KCMF1: variants seen among roughly 807,000 people sequenced by gnomAD.
The protein encoded by KCMF1 is potassium channel modulatory factor 1.
KCMF1 carries 3 observed loss-of-function variants against 41.1 expected under a neutral mutation model. The observed-to-expected ratio is 0.07, with a 90% CI of 0.03 to 0.19. The LOEUF (loss-of-function observed/expected upper bound fraction) is 0.19. Ranked by LOEUF, KCMF1 falls within the 10% of genes least tolerant of loss-of-function variation. The probability of loss-of-function intolerance (pLI) is 1.00; values close to 1 mark genes in which losing one functional copy is unlikely to be tolerated. For synonymous variants in KCMF1, 142 were observed against 164.5 expected (o/e 0.86, Z 1.04); for missense variants, 286 against 488.9 (o/e 0.58, Z 3.91).
intron 6 of KCMF1, among the ~76,000 whole-genome samples, chr2:85,050,317 T>C (rs1053493872): frequency 6.6e-6 from 1 of 152,208 alleles, no homozygotes; most frequent in Non-Finnish European, 1.5e-5. Context: ...TTTAATCTGC[T>C]TTGAAATATT....
intron 1 of KCMF1, among the ~76,000 whole-genome samples, chr2:84,978,068 A>G (rs1673596250): frequency 6.6e-6 from 1 of 150,972 alleles, no homozygotes; most frequent in African/African-American, 2.4e-5. Context: ...GGCGATCTCA[A>G]CTCACCGCAA....
intron 1 of KCMF1, among the ~76,000 whole-genome samples, chr2:84,971,722 G>A (rs1673399088): frequency 6.6e-6 from 1 of 151,178 alleles, no homozygotes; most frequent in Non-Finnish European, 1.5e-5. Context: ...CACTGTCATG[G>A]GGCGGAGGGG....
chr2:85,004,562 G>C (rs1052226679), intron 1 of KCMF1, among the ~76,000 whole-genome samples: 8 of 151,992 alleles, frequency 5.3e-5, no homozygotes, highest in African/African-American at 1.7e-4. Context: ...TGGGTTGGGA[G>C]GACTGCAGTA....
At chr2:85,001,209 G>A (rs1574016292) in intron 1 of KCMF1, among the ~76,000 whole-genome samples, 1 of 151,764 alleles carries the variant, frequency 6.6e-6, no homozygotes, top group Non-Finnish European at 1.5e-5. Context: ...CCAGGCTGGA[G>A]TGCAGTGGCG....
At chr2:84,975,003 G>T (rs373056717) in intron 1 of KCMF1, among the ~76,000 whole-genome samples, 2 of 151,932 alleles carry the variant, frequency 1.3e-5, no homozygotes, top group East Asian at 3.9e-4. Flanking sequence ...CACCGCACCT[G>T]GCCGAATTTC....
chr2:85,001,990 C>T (rs1465933843), intron 1 of KCMF1, among the ~76,000 whole-genome samples: 2 of 152,086 alleles, frequency 1.3e-5, no homozygotes, highest in African/African-American at 4.8e-5. Context: ...CATACCTAAA[C>T]ATAAAAAAGG....
intron 1 of KCMF1, among the ~76,000 whole-genome samples, chr2:85,008,363 T>A (rs7599873): frequency 0.31 from 3,770 of 12,342 alleles, 273 homozygotes; most frequent in Middle Eastern, 0.43. Context: ...TAATATATAT[T>A]ATATATCATA....
At chr2:85,033,134 G>A (rs1245728352) in intron 2 of KCMF1, among the ~76,000 whole-genome samples, 2 of 152,146 alleles carry the variant, frequency 1.3e-5, no homozygotes, top group Non-Finnish European at 2.9e-5. Flanking sequence ...CAAGTCTTGT[G>A]CACCTAATAA....
chr2:85,015,524 A>G (rs1357469826), intron 1 of KCMF1, among the ~76,000 whole-genome samples: 3 of 152,220 alleles, frequency 2.0e-5, no homozygotes, highest in African/African-American at 4.8e-5. Context: ...ATGCATTTCT[A>G]TGAACAAATA....
intron 4 of KCMF1, among the ~76,000 whole-genome samples, chr2:85,045,186 G>C (rs116675243): frequency 0.01 from 1,578 of 152,178 alleles, 20 homozygotes; most frequent in African/African-American, 0.036. Flanking sequence ...GCTGCAGTAA[G>C]CTATGATTGC....
chr2:85,042,620 C>A (rs963012035), intron 3 of KCMF1, among the ~76,000 whole-genome samples: 3 of 152,154 alleles, frequency 2.0e-5, no homozygotes, highest in African/African-American at 7.2e-5. Flanking sequence ...TGGTCATGCC[C>A]CTTGCTTCAG....
intron 1 of KCMF1, among the ~76,000 whole-genome samples, chr2:85,024,256 G>A (rs1675027544): frequency 6.6e-6 from 1 of 152,170 alleles, no homozygotes; most frequent in African/African-American, 2.4e-5. Context: ...CAGGCGGGCA[G>A]ATCACCCGGA....
intron 1 of KCMF1, among the ~76,000 whole-genome samples, chr2:84,997,764 C>A (rs576794113): frequency 3.7e-5 from 3 of 80,248 alleles, no homozygotes; most frequent in South Asian, 4.6e-4. Flanking sequence ...AATACATTTT[C>A]TTTTTTTTTT....
intron 1 of KCMF1, among the ~76,000 whole-genome samples, chr2:85,009,257 A>G (rs902220569): frequency 3.9e-5 from 6 of 152,118 alleles, no homozygotes; most frequent in African/African-American, 1.4e-4. Context: ...ATTGTGAAGT[A>G]GGTGTCTGCT....
At chr2:85,017,188 CT>C (rs1224164061) in intron 1 of KCMF1, among the ~76,000 whole-genome samples, 1 of 151,910 alleles carries the variant, frequency 6.6e-6, no homozygotes, top group Non-Finnish European at 1.5e-5. Context: ...CTGCGCCCGG[CT>C]AATTTTTTTT....
At chr2:85,041,255 T>G (rs978412061) in intron 3 of KCMF1, among the ~76,000 whole-genome samples, 1 of 152,206 alleles carries the variant, frequency 6.6e-6, no homozygotes, top group Non-Finnish European at 1.5e-5. Context: ...ATTACTGCAA[T>G]GAAATAAAAA....
At chr2:85,047,950 A>G (rs1675711512) in intron 5 of KCMF1, among the ~76,000 whole-genome samples, 1 of 152,292 alleles carries the variant, frequency 6.6e-6, no homozygotes, top group South Asian at 2.1e-4. Context: ...GACAGCAGAC[A>G]CTGGGGGAGG....
intron 5 of KCMF1, among the ~76,000 whole-genome samples, chr2:85,047,906 G>C (rs978969168): frequency 6.6e-6 from 1 of 152,148 alleles, no homozygotes; most frequent in Non-Finnish European, 1.5e-5. Flanking sequence ...GAGAACATCA[G>C]AGCTAAATGA....
intron 1 of KCMF1, among the ~76,000 whole-genome samples, chr2:85,002,121 T>A (rs1392964123): frequency 6.6e-6 from 1 of 152,196 alleles, no homozygotes; most frequent in Non-Finnish European, 1.5e-5. Flanking sequence ...TTAATAACAT[T>A]ATTGCAAATA....
Sources: allele counts gnomAD v4.1 joint callset (sites outside exome capture counted in the v4.1 genomes callset), GRCh38; gene constraint gnomAD v4.1.1; transcripts MANE v1.5; gene names NCBI Gene and HGNC (gene_info 2026-07-23, HGNC 2026-07-21).